Variants in MBD3L1 observed in about 807,000 individuals in gnomAD.
MBD3L1 encodes the protein methyl-CpG-binding domain protein 3-like 1.
For synonymous variants in MBD3L1, 84 were observed against 85.1 expected, an observed-to-expected ratio of 0.99 and a Z score of 0.07; for missense variants, 203 against 230.1, an observed-to-expected ratio of 0.88 and a Z score of 0.76.
chr19:8,838,024 G>A (rs1292782650), intron 1 of MBD3L1, among the ~76,000 whole-genome samples: 1 of 151,486 alleles, frequency 6.6e-6, no homozygotes, highest in Admixed American at 6.6e-5. Context: ...CGAGGCGGGC[G>A]GATCATGACA....
intron 1 of MBD3L1, among the ~76,000 whole-genome samples, chr19:8,839,185 C>CTTTTTTTTCTTTTCTTTTCT (rs2044485433): frequency 8.2e-6 from 1 of 122,128 alleles, no homozygotes; most frequent in Non-Finnish European, 1.6e-5. Context: ...CTTTTCTTTT[C>CTTTTTTTTCTTTTCTTTTCT]TTTTTTTTTT....
At position 8,843,248 on chromosome 19, in the gene MBD3L1, T is replaced by TAA. The variant is rs2044531877; in HGVS notation, c.570_571insAA (p.Pro191AsnfsTer?). 1 of 1,577,610 alleles carries TAA rather than the reference T, an allele frequency of 6.3e-7. No individual in the cohort carries two copies. The highest frequency in any genetic ancestry group is 8.6e-7 in the Non-Finnish European group (1 of 1,164,118). On this transcript the variant is annotated frameshift_variant, in exon 3 of 3. Transcript: ENST00000595891. LOFTEE classifies it high-confidence loss of function. ...AGAAAGTGAGAGACCAAGAAGGCCG[T>TAA]CCTGAAAAACGCTAAGAAAAAAAGG...
intron 1 of MBD3L1, among the ~76,000 whole-genome samples, chr19:8,839,115 C>T (rs2044484042): frequency 6.6e-6 from 1 of 151,714 alleles, no homozygotes; most frequent in African/African-American, 2.4e-5. Flanking sequence ...TGGCACATCT[C>T]AATTTGCGAG....
chr19:8,843,077 T>C lies in MBD3L1; in HGVS notation c.399T>C (p.Pro133=). The C allele has an allele frequency of 6.2e-7, 1 of 1,614,068 alleles. No individual in the cohort carries two copies. The highest frequency in any genetic ancestry group is 8.5e-7 in the Non-Finnish European group (1 of 1,179,978). The change falls in exon 3 of 3, where the codon CCT becomes CCC. Residue 133 remains proline (P), a synonymous_variant. Transcript: ENST00000595891. ...ACSSDAVEII[P]AEGVGISQLL... ...CTTCAGATGCGGTGGAGATAATTCC[T>C]GCAGAGGGAGTGGGTATCTCGCAGC...
chr19:8,833,092 T>G (rs1440285414), intron 1 of MBD3L1: 1 of 152,576 alleles, frequency 6.6e-6, no homozygotes, highest in Non-Finnish European at 1.5e-5. Flanking sequence ...GGGGCAGGGA[T>G]CTGGGTATGA....
chr19:8,834,523 G>A (rs1274378110), intron 1 of MBD3L1, among the ~76,000 whole-genome samples: 1 of 150,382 alleles, frequency 6.6e-6, no homozygotes, highest in Non-Finnish European at 1.5e-5. Flanking sequence ...CAGAAGAATC[G>A]TTTGAACCCA....
At chr19:8,836,223 T>A (rs2967737) in intron 1 of MBD3L1, among the ~76,000 whole-genome samples, 135,094 of 152,226 alleles carry the variant, frequency 0.89, 59,979 homozygotes, top group Middle Eastern at 0.94. Flanking sequence ...CAGTTAGGCA[T>A]AATAAGAGAA....
chr19:8,843,237 C>T lies in MBD3L1; in HGVS notation c.559C>T (p.Gln187Ter). 1 of 1,597,410 alleles carries T rather than the reference C, an allele frequency of 6.3e-7. No homozygotes were observed. Among genetic ancestry groups the T allele is most frequent in the Non-Finnish European group, 8.5e-7 (1 of 1,172,294 alleles). The part of the protein sequence containing the change: ...LANEAEKVRD[Q>*]EGRPEKR Reference sequence around the variant, plus strand: ...TAATGAGGCAGAGAAAGTGAGAGACCAAGAAGGCCGTCCTGAAAAACGCTA... The same window carrying T: ...TAATGAGGCAGAGAAAGTGAGAGACTAAGAAGGCCGTCCTGAAAAACGCTA... The change falls in exon 3 of 3, where the codon CAA (glutamine) becomes TAA (stop). Residue 187 changes from glutamine to a stop codon, truncating the protein, a stop_gained. Transcript: ENST00000595891. LOFTEE classifies it low-confidence loss of function (END_TRUNC).
intron 1 of MBD3L1, among the ~76,000 whole-genome samples, chr19:8,837,850 A>G (rs570730122): frequency 2.6e-5 from 4 of 152,244 alleles, no homozygotes; most frequent in Non-Finnish European, 4.4e-5. Flanking sequence ...TAAGGAAGAG[A>G]AGGAGGTAAA....
intron 1 of MBD3L1, among the ~76,000 whole-genome samples, chr19:8,840,240 G>A (rs890710202): frequency 2.0e-5 from 3 of 150,580 alleles, no homozygotes; most frequent in Admixed American, 1.3e-4. Flanking sequence ...AATATTGGAA[G>A]CATAAAATTA....
At chr19:8,839,216 G>A (rs1396473527) in intron 1 of MBD3L1, among the ~76,000 whole-genome samples, 1 of 121,854 alleles carries the variant, frequency 8.2e-6, no homozygotes, top group Non-Finnish European at 1.6e-5. Flanking sequence ...ACAGAGTCTC[G>A]CACTGTCGCC....
intron 1 of MBD3L1, among the ~76,000 whole-genome samples, chr19:8,839,696 T>C (rs777787063): frequency 3.2e-4 from 49 of 151,944 alleles, no homozygotes; most frequent in Non-Finnish European, 6.9e-4. Context: ...AACAGAAGTT[T>C]GGGGTGGCCT....
At chr19:8,838,457 A>G (rs1386466221) in intron 1 of MBD3L1, among the ~76,000 whole-genome samples, 1 of 152,026 alleles carries the variant, frequency 6.6e-6, no homozygotes. Context: ...AATGTTTTGA[A>G]GGCTATGCAA....
At chr19:8,842,233 G>T (rs905415333) in intron 2 of MBD3L1, among the ~76,000 whole-genome samples, 23 of 151,808 alleles carry the variant, frequency 1.5e-4, no homozygotes, top group African/African-American at 5.6e-4. Flanking sequence ...GGTTCAGGTG[G>T]GTGGATCACT....
In MBD3L1 at chr19:8,837,962, GC is replaced by G. The variant is rs573362461; in HGVS notation, c.-106-2950del. On this transcript the variant is annotated intron_variant, in intron 1 of 2. Coordinates refer to ENST00000595891, the MANE Select transcript of MBD3L1 (RefSeq NM_001393532.1). ...TGAAATTCTACCCAGAAGATCAGCAGCCCTGGCCAGGCACGGTGGCTCACGC... is the reference window on the plus strand; with the variant it reads ...TGAAATTCTACCCAGAAGATCAGCAGCCTGGCCAGGCACGGTGGCTCACGC... Among the ~76,000 whole-genome samples the G allele has an allele frequency of 3.1e-3, 472 of 152,082 alleles. 5 individuals are homozygous for G. Among genetic ancestry groups the G allele is most frequent in the African/African-American group, 0.011 (453 of 41,500 alleles).
At chr19:8,835,675 A>G (rs1172707423) in intron 1 of MBD3L1, among the ~76,000 whole-genome samples, 1 of 126,452 alleles carries the variant, frequency 7.9e-6, no homozygotes, top group Non-Finnish European at 1.8e-5. Context: ...TATTTCCAGT[A>G]TATGCCCAAG....
intron 1 of MBD3L1, among the ~76,000 whole-genome samples, chr19:8,837,938 G>T (rs756143870): frequency 3.9e-5 from 6 of 152,032 alleles, no homozygotes; most frequent in Non-Finnish European, 5.9e-5. Flanking sequence ...CAGCAAGGCT[G>T]AAATTCTACC....
intron 1 of MBD3L1, among the ~76,000 whole-genome samples, chr19:8,836,335 T>G (rs1355678798): frequency 6.6e-6 from 1 of 151,920 alleles, no homozygotes; most frequent in African/African-American, 2.4e-5. Context: ...TGTGAGTTCT[T>G]CTCTTCTTCC....
Position 8,842,977 on chromosome 19 carries a change from A to G in MBD3L1, c.299A>G (p.Tyr100Cys). The change falls in exon 3 of 3, where the codon TAC (tyrosine) becomes TGC (cysteine). Residue 100 changes from tyrosine (Y) to cysteine (C), a missense_variant. By Grantham distance (194) the Tyr-to-Cys change is radical. Transcript: ENST00000595891. ...ACCTTGCAAAAACTTGTCCCTAGTT[A>G]CACAGGTGGATCTCTGCTGGAGGAT... ...ANTLQKLVPS[Y>C]TGGSLLEDLA... is the part of the protein sequence containing the mutation. 5 of 1,614,230 alleles carry G rather than the reference A, an allele frequency of 3.1e-6. No individual in the cohort carries two copies. Among genetic ancestry groups the G allele is most frequent in the Non-Finnish European group, 4.2e-6 (5 of 1,180,042 alleles).
Sources: allele counts gnomAD v4.1 joint callset (sites outside exome capture counted in the v4.1 genomes callset), GRCh38; gene constraint gnomAD v4.1.1; transcripts MANE v1.5; gene names NCBI Gene and HGNC (gene_info 2026-07-23, HGNC 2026-07-21).